VWF: variants seen among roughly 807,000 people sequenced by gnomAD.
VWF encodes the protein von Willebrand factor.
VWF carries 176 observed loss-of-function variants against 308.6 expected under a neutral mutation model. The observed-to-expected ratio is 0.57, with a 90% CI of 0.50 to 0.65. VWF has a LOEUF of 0.65. Among genes scored for constraint, VWF ranks in the 30% least tolerant of loss-of-function variants. VWF has a pLI of 0.00. For synonymous variants in VWF, 1,385 were observed against 1,443.4 expected, an observed-to-expected ratio of 0.96 and a Z score of 0.92; for missense variants, 3,146 against 3,648.2, an observed-to-expected ratio of 0.86 and a Z score of 3.55.
At chr12:6,071,220 T>A (rs769195628) in intron 10 of VWF, 77 bp downstream of exon 10, 80 of 1,567,738 alleles carry the variant, frequency 5.1e-5, no homozygotes, top group Non-Finnish European at 6.7e-5. Flanking sequence ...GTTGTGGCCC[T>A]CCCTGTCTGG....
chr12:6,057,714 A>C, intron 14 of VWF, 135 bp downstream of exon 14: 2 of 1,112,074 alleles, frequency 1.8e-6, no homozygotes, highest in Non-Finnish European at 2.5e-6. Context: ...CTGACGGTAA[A>C]AACAAAGCCC....
Position 6,107,118 on chromosome 12 carries a change from C to A in VWF, c.532+3256G>T, listed in dbSNP as rs80275759. Among the ~76,000 whole-genome samples, 1,507 of 152,210 alleles carry A rather than the reference C, an allele frequency of 9.9e-3. 26 individuals are homozygous for A. The highest frequency in any genetic ancestry group is 0.035 in the African/African-American group (1,453 of 41,526). On this transcript the variant is annotated intron_variant, in intron 5 of 51. Transcript: ENST00000261405. ...TGATACATGCACCAATATGGATTAA[C>A]CTCTCACGGACCATGTTAAATGAAA...
chr12:5,998,220 C>T (rs1375003212), intron 34 of VWF, among the ~76,000 whole-genome samples: 6 of 151,572 alleles, frequency 4.0e-5, no homozygotes, highest in South Asian at 4.2e-4. Flanking sequence ...TCAAGTTGGC[C>T]GGGCACAGTG....
chr12:6,094,908 G>T (rs1945089633), intron 6 of VWF, among the ~76,000 whole-genome samples: 1 of 117,342 alleles, frequency 8.5e-6, no homozygotes, highest in Admixed American at 1.1e-4. Context: ...TTTTGAGACA[G>T]AGTCTCACTC....
At chr12:5,983,309 T>C in intron 40 of VWF, 55 bp from the exon 41 acceptor site, 1 of 1,549,618 alleles carries the variant, frequency 6.5e-7, no homozygotes. Flanking sequence ...TACTCTTTTA[T>C]TACCTGTGAG....
At chr12:6,080,613 G>C (rs529774061) in intron 6 of VWF, among the ~76,000 whole-genome samples, 1 of 152,222 alleles carries the variant, frequency 6.6e-6, no homozygotes, top group African/African-American at 2.4e-5. Context: ...GAGTCACCAC[G>C]GCTGAGCCGA....
chr12:5,980,354 A>G (rs1191594262), intron 42 of VWF, among the ~76,000 whole-genome samples: 1 of 152,004 alleles, frequency 6.6e-6, no homozygotes, highest in Non-Finnish European at 1.5e-5. Flanking sequence ...TACTGCATTG[A>G]CCTTGAATGT....
Position 6,036,413 on chromosome 12 carries a change from T to C in VWF, c.2521A>G (p.Thr841Ala). The part of the protein sequence containing the change: ...HQGKEYAPGE[T>A]VKIGCNTCVC... ...CAAGTGTTGCAGCCAATCTTCACTG[T>C]TTCTCCAGGGGCATACTCCTTGCCC... The change falls in exon 19 of 52, where the codon ACA (threonine) becomes GCA (alanine). Residue 841 changes from threonine to alanine, a missense_variant. By Grantham distance (58) the Thr-to-Ala change is moderately conservative (BLOSUM62 0). Around this residue, in one of 3 missense-constraint regions of VWF, gnomAD observed 1,304 missense variants for 1,353.0 expected, o/e 0.96. Transcript: ENST00000261405. The C allele has an allele frequency of 6.2e-7, 1 of 1,614,194 alleles. No homozygotes were observed. The highest frequency in any genetic ancestry group is 8.5e-7 in the Non-Finnish European group (1 of 1,180,026).
At position 6,016,673 on chromosome 12, in the gene VWF, A is replaced by G. The variant is rs1565830614; in HGVS notation, c.5171-17T>C. 2 of 1,614,240 alleles carry G rather than the reference A, an allele frequency of 1.2e-6. No homozygotes were observed. The highest frequency in any genetic ancestry group is 2.2e-5 in the South Asian group (2 of 91,088). On this transcript the variant is annotated splice_polypyrimidine_tract_variant and intron_variant, in intron 29 of 51. Coordinates refer to ENST00000261405, the MANE Select transcript of VWF (RefSeq NM_000552.5). Reference sequence around the variant, plus strand: ...GACGAGGCCCTAAACGGAACGAGAAAATGCGGATTATTTTGAATCAAGTAG... The same window carrying G: ...GACGAGGCCCTAAACGGAACGAGAAGATGCGGATTATTTTGAATCAAGTAG...
chr12:5,999,346 A>C (rs1469655895), intron 34 of VWF, among the ~76,000 whole-genome samples: 3 of 152,064 alleles, frequency 2.0e-5, no homozygotes, highest in Admixed American at 6.6e-5. Context: ...GGGAGCAAAA[A>C]GAAATGGAAA....
chr12:5,971,552 A>G, intron 44 of VWF, 47 bp downstream of exon 44: 1 of 1,467,274 alleles, frequency 6.8e-7, no homozygotes, highest in African/African-American at 1.4e-5. Context: ...TGGTCCCTGG[A>G]GTGGCCCCAA....
At position 6,058,675 on chromosome 12, in the gene VWF, A is replaced by C. The variant is rs548219403; in HGVS notation, c.1534-631T>G. ...CGAGCCACAGAAGACTCTGAGGGTGATGATGGATAGGAGTAGGAGTCTGCA... is the reference window on the plus strand; with the variant it reads ...CGAGCCACAGAAGACTCTGAGGGTGCTGATGGATAGGAGTAGGAGTCTGCA... On this transcript the variant is annotated intron_variant, in intron 13 of 51. Transcript: ENST00000261405. This position sits in a 1 kb window ranked among gnomAD's most constrained non-coding sequence, Gnocchi z 4.9. Among the ~76,000 whole-genome samples, 57 of 152,214 alleles carry C rather than the reference A, an allele frequency of 3.7e-4. No individual in the cohort carries two copies. The highest frequency in any genetic ancestry group is 6.9e-4 in the Non-Finnish European group (47 of 68,036).
chr12:6,118,376 CTTTTTTTTTTTTTTTTTTT>C (rs71064189), intron 3 of VWF, among the ~76,000 whole-genome samples: 1 of 65,486 alleles, frequency 1.5e-5, no homozygotes, highest in African/African-American at 5.0e-5. Flanking sequence ...CCTCTGGTCA[CTTTTTTTTTTTTTTTTTTT>C]TTTTTTTTTT....
intron 16 of VWF, among the ~76,000 whole-genome samples, chr12:6,051,034 T>C (rs116611055): frequency 0.044 from 4,300 of 96,694 alleles, 191 homozygotes; most frequent in African/African-American, 0.13. Flanking sequence ...AGGTTAATAA[T>C]GGTACCTTTA....
In VWF at chr12:5,996,132, T is replaced by C. The variant is rs1242982172; in HGVS notation, c.5933A>G (p.Gln1978Arg). The stretch of plus-strand genomic sequence containing the variant: ...CACCTCCAGGTCCTGCTCCTTGTTT[T>C]GAAATAGGACATAAGAACAGCTGCC... ...LTGSCSYVLF[Q>R]NKEQDLEVIL... is the part of the protein sequence containing the mutation. Residue 1978 changes from glutamine (Q) to arginine (R), a missense_variant, in exon 35 of 52, where the codon CAA becomes CGA. Physicochemically the swap from Gln to Arg is conservative, Grantham distance 43. Around this residue, in one of 3 missense-constraint regions of VWF, gnomAD observed 989 missense variants for 1,117.4 expected, o/e 0.89. Transcript: ENST00000261405. 2 of 1,613,992 alleles carry C rather than the reference T, an allele frequency of 1.2e-6. No homozygotes were observed. The highest frequency in any genetic ancestry group is 1.7e-6 in the Non-Finnish European group (2 of 1,180,032).
rs188907268 is a variant in VWF at position 6,058,856 on chromosome 12, G to A, written c.1534-812C>T. 2.1e-3 allele frequency among the ~76,000 whole-genome samples: 315 copies of A among 152,288 alleles called. 1 individual carries two copies. Among genetic ancestry groups the A allele is most frequent in the African/African-American group, 7.0e-3 (293 of 41,564 alleles). On this transcript the variant is annotated intron_variant, in intron 13 of 51. Coordinates refer to ENST00000261405, the MANE Select transcript of VWF (RefSeq NM_000552.5). The surrounding 1 kb of genome is among the most constrained non-coding windows in gnomAD (Gnocchi z 4.9). ...GGGAACAACCAGCAGAGTGGAGCCC[G>A]CCCTTCCCCCACACAGCTGGGGGCA...
chr12:6,020,033 C>A lies in VWF; in HGVS notation c.3675-290G>T, dbSNP rs1428633713. On this transcript the variant is annotated intron_variant, in intron 27 of 51. Transcript: ENST00000261405. The surrounding 1 kb of genome is among the most constrained non-coding windows in gnomAD (Gnocchi z 4.3). Reference sequence around the variant, plus strand: ...GAAAAAATATACTCGTTGTTCTAGGCCATCCACACAACCACTCAAAGCTGA... The same window carrying A: ...GAAAAAATATACTCGTTGTTCTAGGACATCCACACAACCACTCAAAGCTGA... Among the ~76,000 whole-genome samples the A allele has an allele frequency of 6.6e-6, 1 of 152,192 alleles. No homozygotes were observed. The highest frequency in any genetic ancestry group is 1.5e-5 in the Non-Finnish European group (1 of 68,038).
At chr12:6,091,886 C>T (rs1565386183) in intron 6 of VWF, among the ~76,000 whole-genome samples, 2 of 152,170 alleles carry the variant, frequency 1.3e-5, no homozygotes, top group African/African-American at 2.4e-5. Context: ...TGCTAGCTGG[C>T]GACTTGGGGC....
rs142956629 is a variant in VWF, at chr12:6,058,027, G to C, written c.1551C>G (p.Ala517=). The C allele has an allele frequency of 1.9e-6, 3 of 1,613,202 alleles. No homozygotes were observed. The highest frequency in any genetic ancestry group is 2.5e-6 in the Non-Finnish European group (3 of 1,180,036). Residue 517 remains alanine, a synonymous_variant, in exon 14 of 52, where the codon GCC becomes GCG. Coordinates refer to ENST00000261405, the MANE Select transcript of VWF (RefSeq NM_000552.5). This position sits in a 1 kb window ranked among gnomAD's most constrained non-coding sequence, Gnocchi z 4.9. The stretch of plus-strand genomic sequence containing the variant: ...TCCCACACAGGCCGCAGGTCTTCCC[G>C]GCATAGACGGGGGACAGCTGCAGGA... ...RLLVKLSPVY[A]GKTCGLCGNY... is the part of the protein sequence containing the mutation.
Sources: gnomAD v4.1 joint callset for allele counts (sites outside exome capture counted in the v4.1 genomes callset) on GRCh38, gnomAD v4.1.1 for gene constraint, gnomAD v4.1.1 regional missense constraint, Gnocchi (gnomAD v3.1) non-coding constraint, MANE v1.5 for transcripts, NCBI Gene and HGNC (gene_info 2026-07-23, HGNC 2026-07-21) for gene names.